Variants in DZIP1L observed in about 807,000 individuals in gnomAD.
DZIP1L encodes the protein DAZ interacting zinc finger protein 1 like.
In DZIP1L, 90 loss-of-function variants were observed where a neutral mutation model predicts 88.7. The observed-to-expected ratio is 1.02, with a 90% CI of 0.86 to 1.21. DZIP1L has a LOEUF of 1.21. Ranked by LOEUF, DZIP1L falls within the 50% of genes most tolerant of loss-of-function variation. The probability of loss-of-function intolerance (pLI) is 0.00; values close to 1 mark genes in which losing one functional copy is unlikely to be tolerated. For synonymous variants in DZIP1L, 363 were observed against 372.1 expected (o/e 0.98, Z 0.28); for missense variants, 932 against 955.8 (o/e 0.98, Z 0.33).
chr3:138,098,926 A>C lies in DZIP1L; in HGVS notation c.502-1079T>G, dbSNP rs112434626. Reference sequence around the variant, plus strand: ...TTTGGGAGGCTGAGGTGGGCGGATCACTTGAGCCCAGGAGTTCGAGACCAG... The same window carrying C: ...TTTGGGAGGCTGAGGTGGGCGGATCCCTTGAGCCCAGGAGTTCGAGACCAG... On this transcript the variant is annotated intron_variant, in intron 2 of 15. Transcript: ENST00000327532. 2.1e-3 allele frequency among the ~76,000 whole-genome samples: 319 copies of C among 152,302 alleles called. 1 individual carries two copies. The highest frequency in any genetic ancestry group is 7.4e-3 in the African/African-American group (307 of 41,562).
Position 138,103,455 on chromosome 3 carries a change from G to T in DZIP1L, c.501+16C>A. The T allele has an allele frequency of 6.3e-7, 1 of 1,583,626 alleles. No individual in the cohort carries two copies. Among genetic ancestry groups the T allele is most frequent in the Non-Finnish European group, 8.6e-7 (1 of 1,162,638 alleles). On this transcript the variant is annotated intron_variant, in intron 2 of 15. Coordinates refer to ENST00000327532, the MANE Select transcript of DZIP1L (RefSeq NM_173543.3). ...CACAGCCCTCCCACTCTCCCTGCCT[G>T]GTGGAGATTCCTCACCGTGTGGTAG...
At chr3:138,107,984 C>T (rs1463467646) in intron 1 of DZIP1L, among the ~76,000 whole-genome samples, 4 of 152,130 alleles carry the variant, frequency 2.6e-5, no homozygotes, top group Non-Finnish European at 5.9e-5. Flanking sequence ...ACATAAGCAC[C>T]CCCACCATGG....
intron 1 of DZIP1L, among the ~76,000 whole-genome samples, chr3:138,104,284 C>A (rs949332233): frequency 6.6e-6 from 1 of 152,246 alleles, no homozygotes; most frequent in Non-Finnish European, 1.5e-5. Context: ...CATCTTTAAG[C>A]CTCCTGTGTC....
chr3:138,083,983 A>T, intron 8 of DZIP1L, 130 bp downstream of exon 8: 1 of 1,309,628 alleles, frequency 7.6e-7, no homozygotes, highest in South Asian at 1.5e-5. Flanking sequence ...ATGCCAGAGG[A>T]CTCTTCTCTC....
chr3:138,064,691 G>A lies in DZIP1L; in HGVS notation c.2079C>T (p.Val693=). 1 of 1,613,958 alleles carries A rather than the reference G, an allele frequency of 6.2e-7. No individual in the cohort carries two copies. Residue 693 remains valine (V), a synonymous_variant, in exon 15 of 16, where the codon GTC becomes GTT. Transcript: ENST00000327532. The stretch of plus-strand genomic sequence containing the variant: ...CAGCATTGGGCATAAAAAACAGACT[G>A]ACCCCTCCAGCAGGCTTCTTTGCTG... ...EAPAKKPAGG[V]SLFFMPNAGP...
chr3:138,102,113 C>G (rs2042338023), intron 2 of DZIP1L: 1 of 1,430,038 alleles, frequency 7.0e-7, no homozygotes, highest in Admixed American at 1.7e-5. Flanking sequence ...TGGCGATCTC[C>G]TTGTACTGTG....
intron 2 of DZIP1L, among the ~76,000 whole-genome samples, chr3:138,100,709 G>A (rs2042274895): frequency 6.6e-6 from 1 of 152,182 alleles, no homozygotes. Flanking sequence ...TGTCAGAAGT[G>A]TTATAAGCAG....
At chr3:138,109,241 T>G (rs1350775997) in intron 1 of DZIP1L, among the ~76,000 whole-genome samples, 4 of 152,262 alleles carry the variant, frequency 2.6e-5, no homozygotes, top group African/African-American at 9.6e-5. Context: ...GTATAGACAC[T>G]GTTTTTAAAT....
At chr3:138,102,906 C>G (rs1307154082) in intron 2 of DZIP1L, 1 of 594,092 alleles carries the variant, frequency 1.7e-6, no homozygotes, top group Non-Finnish European at 3.0e-6. Flanking sequence ...TCTGGGTCAC[C>G]CTGATGAACA....
intron 7 of DZIP1L, among the ~76,000 whole-genome samples, chr3:138,086,406 C>T (rs1437816772): frequency 2.0e-5 from 3 of 152,210 alleles, no homozygotes; most frequent in Non-Finnish European, 4.4e-5. Context: ...TTTTTGCAGG[C>T]GGAACCTGGG....
intron 5 of DZIP1L, among the ~76,000 whole-genome samples, chr3:138,091,864 A>T (rs542930475): frequency 1.3e-5 from 2 of 152,318 alleles, no homozygotes; most frequent in South Asian, 4.1e-4. Context: ...GGGGCTGGAA[A>T]ATAGTAAATA....
intron 8 of DZIP1L, among the ~76,000 whole-genome samples, chr3:138,083,760 A>G (rs1459252011): frequency 2.0e-5 from 3 of 152,206 alleles, no homozygotes; most frequent in Admixed American, 2.0e-4. Flanking sequence ...TTATTTCACC[A>G]TCTGTCGAAT....
Position 138,087,006 on chromosome 3 carries a change from T to A in DZIP1L, c.1017A>T (p.Arg339Ser), listed in dbSNP as rs147201722. ...KTEIQKTEWK[R>S]KVKELHEEHM... is the part of the protein sequence containing the mutation. ...GCTCTTCATGCAGTTCCTTCACTTT[T>A]CTTTTCCACTCCGTTTTCTGAAAAA... Residue 339 changes from arginine (R) to serine (S), a missense_variant, in exon 7 of 16, where the codon AGA (arginine) becomes AGT (serine). By Grantham distance (110) the Arg-to-Ser change is moderately radical (BLOSUM62 -1). Transcript: ENST00000327532. The A allele has an allele frequency of 6.2e-7, 1 of 1,614,042 alleles. No homozygotes were observed. Among genetic ancestry groups the A allele is most frequent in the African/African-American group, 1.3e-5 (1 of 74,922 alleles).
chr3:138,109,323 A>G (rs1042831510), intron 1 of DZIP1L, among the ~76,000 whole-genome samples: 3 of 152,140 alleles, frequency 2.0e-5, no homozygotes, highest in African/African-American at 7.2e-5. Context: ...TCTAAGCCAC[A>G]GAGAAATAAA....
intron 1 of DZIP1L, chr3:138,108,133 G>A (rs901140264): frequency 1.2e-5 from 11 of 933,996 alleles, no homozygotes; most frequent in African/African-American, 1.8e-5. Flanking sequence ...ACAGGTGCCC[G>A]CCACCATGCC....
intron 1 of DZIP1L, among the ~76,000 whole-genome samples, chr3:138,110,809 C>A (rs2042606603): frequency 6.6e-6 from 1 of 152,196 alleles, no homozygotes; most frequent in Non-Finnish European, 1.5e-5. Context: ...TCACAACAAC[C>A]TATTATGCAG....
rs1231462699 is a variant in DZIP1L at position 138,063,672 on chromosome 3, G to A, written c.2143-695C>T. On this transcript the variant is annotated intron_variant, in intron 15 of 15. Coordinates refer to ENST00000327532, the MANE Select transcript of DZIP1L (RefSeq NM_173543.3). This position sits in a 1 kb window ranked among gnomAD's most constrained non-coding sequence, Gnocchi z 4.1. ...ACCGACCAATCAGAACCCATGCAGG[G>A]TGCAGGGCAGCAAGCATGCTCTGAG... Among the ~76,000 whole-genome samples the A allele has an allele frequency of 6.6e-6, 1 of 152,234 alleles. No individual in the cohort carries two copies. Among genetic ancestry groups the A allele is most frequent in the East Asian group, 1.9e-4 (1 of 5,202 alleles).
intron 5 of DZIP1L, chr3:138,089,204 T>A (rs2107799532): frequency 2.0e-6 from 2 of 985,468 alleles, no homozygotes; most frequent in Middle Eastern, 5.2e-4. Flanking sequence ...GATATCATTC[T>A]TGCTAACACT....
intron 10 of DZIP1L, among the ~76,000 whole-genome samples, chr3:138,078,516 T>A (rs1275384157): frequency 6.6e-6 from 1 of 152,220 alleles, no homozygotes; most frequent in Non-Finnish European, 1.5e-5. Flanking sequence ...ATATTTTAAA[T>A]TCTCTAGATA....
Sources: allele counts gnomAD v4.1 joint callset (sites outside exome capture counted in the v4.1 genomes callset), GRCh38; gene constraint gnomAD v4.1.1; non-coding constraint Gnocchi (gnomAD v3.1); transcripts MANE v1.5; gene names NCBI Gene and HGNC (gene_info 2026-07-23, HGNC 2026-07-21).